CC2D2A: variants seen among roughly 807,000 people sequenced by gnomAD.
The protein encoded by CC2D2A is coiled-coil and C2 domain-containing protein 2A.
A neutral mutation model predicts 212.9 loss-of-function variants in CC2D2A; 155 were observed. That is an observed-to-expected ratio of 0.73 (90% CI 0.64 to 0.83). The LOEUF (loss-of-function observed/expected upper bound fraction) is 0.83. CC2D2A is among the 40% of genes least tolerant of loss of function. The pLI is 0.00. For synonymous variants in CC2D2A, 667 were observed against 686.5 expected, an observed-to-expected ratio of 0.97 and a Z score of 0.44; for missense variants, 1,856 against 1,956.2, an observed-to-expected ratio of 0.95 and a Z score of 0.97.
At chr4:15,537,169 A>C (rs1316059066) in intron 15 of CC2D2A, 93 bp downstream of exon 15, 4 of 1,094,766 alleles carry the variant, frequency 3.7e-6, no homozygotes, top group Non-Finnish European at 5.2e-6. Flanking sequence ...CCAGACTGGC[A>C]GACTAGGGTA....
At chr4:15,555,860 C>T (rs753729370) in intron 20 of CC2D2A, among the ~76,000 whole-genome samples, 2 of 152,244 alleles carry the variant, frequency 1.3e-5, no homozygotes, top group Non-Finnish European at 2.9e-5. Context: ...ATATCCCCTT[C>T]TCCAGAGAGG....
chr4:15,536,801 G>C (rs1560170844), intron 14 of CC2D2A, 119 bp from the exon 15 acceptor site: 26 of 880,550 alleles, frequency 3.0e-5, no homozygotes. Context: ...GAGTTTACAT[G>C]TGCGACATTT....
chr4:15,567,638 C>A, intron 25 of CC2D2A, 39 bp from the exon 26 acceptor site: 1 of 1,459,448 alleles, frequency 6.9e-7, no homozygotes, highest in Non-Finnish European at 9.3e-7. Context: ...AATAATTTGA[C>A]TAACCATTGG....
chr4:15,569,554 C>T (rs1467615519), intron 27 of CC2D2A, among the ~76,000 whole-genome samples, 165 bp downstream of exon 27: 2 of 152,034 alleles, frequency 1.3e-5, no homozygotes, highest in South Asian at 2.1e-4. Context: ...AAAGCAAAAG[C>T]GAGTTTATTA....
At chr4:15,528,757 T>C in intron 13 of CC2D2A, 31 bp downstream of exon 13, 1 of 1,493,708 alleles carries the variant, frequency 6.7e-7, no homozygotes, top group Non-Finnish European at 9.2e-7. Flanking sequence ...GTAACTACTT[T>C]TTTTCCCGTT....
chr4:15,590,547 C>G (rs1721057228), intron 33 of CC2D2A, among the ~76,000 whole-genome samples: 1 of 152,032 alleles, frequency 6.6e-6, no homozygotes, highest in South Asian at 2.1e-4. Flanking sequence ...CAGACTGCCT[C>G]AGTTTAAACT....
At chr4:15,522,023 A>AC (rs927355055) in intron 11 of CC2D2A, among the ~76,000 whole-genome samples, 8 of 151,834 alleles carry the variant, frequency 5.3e-5, no homozygotes, top group African/African-American at 1.2e-4. Flanking sequence ...ACATAGTGAG[A>AC]CCCCCCTACC....
intron 8 of CC2D2A, among the ~76,000 whole-genome samples, chr4:15,513,306 A>G (rs1443247769): frequency 6.6e-6 from 1 of 152,254 alleles, no homozygotes; most frequent in African/African-American, 2.4e-5. Context: ...ACCTAGTCTC[A>G]GGAGCCACAT....
At chr4:15,598,182 G>T (rs76985947) in intron 35 of CC2D2A, among the ~76,000 whole-genome samples, 188 of 152,150 alleles carry the variant, frequency 1.2e-3, no homozygotes, top group African/African-American at 4.3e-3. Context: ...ACATGCTATC[G>T]ATTGGACCCA....
chr4:15,480,971 G>A, intron 4 of CC2D2A, 144 bp downstream of exon 4: 3 of 923,134 alleles, frequency 3.2e-6, no homozygotes, highest in East Asian at 2.7e-5. Flanking sequence ...CTTGGTGAGT[G>A]ACTCTAGGTT....
At chr4:15,478,275 T>C (rs1221423208) in intron 2 of CC2D2A, among the ~76,000 whole-genome samples, 1 of 152,264 alleles carries the variant, frequency 6.6e-6, no homozygotes, top group Non-Finnish European at 1.5e-5. Context: ...CTTTTCCTGC[T>C]GGTAAGGCTG....
chr4:15,589,321 T>C (rs2109091761), intron 32 of CC2D2A, among the ~76,000 whole-genome samples: 1 of 152,324 alleles, frequency 6.6e-6, no homozygotes, highest in East Asian at 1.9e-4. Context: ...TGTCCTTTTT[T>C]GGTCATTGTA....
intron 6 of CC2D2A, among the ~76,000 whole-genome samples, chr4:15,508,883 C>T (rs1022855222): frequency 6.6e-6 from 1 of 152,160 alleles, no homozygotes; most frequent in African/African-American, 2.4e-5. Context: ...TTGCCATGAA[C>T]ACCTATATGT....
chr4:15,514,729 G>A lies in CC2D2A; in HGVS notation c.740G>A (p.Gly247Asp). 6.3e-7 allele frequency: 1 copy of A among 1,596,946 alleles called. No homozygotes were observed. Among genetic ancestry groups the A allele is most frequent in the Non-Finnish European group, 8.6e-7 (1 of 1,168,090 alleles). ...KEMDEEELLN[G>D]DDAEDFLLGL... ...CAGGATGAGGAAGAACTGCTTAATG[G>A]TGATGATGCCGAGGACTTCCTATTG... The change falls in exon 9 of 37, where the codon GGT becomes GAT. Residue 247 changes from glycine (G) to aspartate (D), a missense_variant. Physicochemically the swap from Gly to Asp is moderately conservative, Grantham distance 94. Transcript: ENST00000424120.
intron 1 of CC2D2A, among the ~76,000 whole-genome samples, chr4:15,474,923 A>T (rs1714076903): frequency 6.6e-6 from 1 of 152,172 alleles, no homozygotes; most frequent in African/African-American, 2.4e-5. Flanking sequence ...GTTTTGAGGG[A>T]TTTTTCTATA....
At chr4:15,534,816 A>G (rs1398982301) in intron 14 of CC2D2A, among the ~76,000 whole-genome samples, 1 of 152,166 alleles carries the variant, frequency 6.6e-6, no homozygotes, top group Non-Finnish European at 1.5e-5. Flanking sequence ...CTTTGAGACT[A>G]GGGACCCTGT....
chr4:15,486,072 G>A (rs569550426), intron 4 of CC2D2A, among the ~76,000 whole-genome samples: 1 of 152,184 alleles, frequency 6.6e-6, no homozygotes, highest in Admixed American at 6.5e-5. Flanking sequence ...CTAGTATTTT[G>A]TTGATGATTT....
chr4:15,567,057 C>A (rs1719913684), intron 24 of CC2D2A, among the ~76,000 whole-genome samples: 2 of 152,016 alleles, frequency 1.3e-5, no homozygotes, highest in Admixed American at 1.3e-4. Flanking sequence ...CCAAAGTGGG[C>A]AGATTACTTG....
intron 14 of CC2D2A, among the ~76,000 whole-genome samples, chr4:15,536,361 G>T (rs1345186424): frequency 2.0e-5 from 3 of 152,256 alleles, no homozygotes; most frequent in South Asian, 4.1e-4. Context: ...TAATGTAGAT[G>T]ATGGGTTGAT....
Sources: gnomAD v4.1 joint callset for allele counts (sites outside exome capture counted in the v4.1 genomes callset) on GRCh38, gnomAD v4.1.1 for gene constraint, MANE v1.5 for transcripts, NCBI Gene and HGNC (gene_info 2026-07-23, HGNC 2026-07-21) for gene names.